Variants in HDAC9 observed in about 807,000 individuals in gnomAD.
HDAC9 encodes the protein MEF-2 interacting transcription repressor (MITR) protein.
A neutral mutation model predicts 139.4 loss-of-function variants in HDAC9; 41 were observed. The ratio of observed to expected loss-of-function variants is 0.29; its 90% CI spans 0.23 to 0.38. The LOEUF (loss-of-function observed/expected upper bound fraction) is 0.38. Among genes scored for constraint, HDAC9 ranks in the 10% least tolerant of loss-of-function variants. The probability of loss-of-function intolerance (pLI) is 1.00; values close to 1 mark genes in which losing one functional copy is unlikely to be tolerated. For synonymous variants in HDAC9, 517 were observed against 476.2 expected, an observed-to-expected ratio of 1.09 and a Z score of -1.12; for missense variants, 1,147 against 1,297.0, an observed-to-expected ratio of 0.88 and a Z score of 1.78.
At chr7:18,389,380 T>TC (rs1786250011) in intron 1 of HDAC9, among the ~76,000 whole-genome samples, 1 of 152,222 alleles carries the variant, frequency 6.6e-6, no homozygotes, top group Non-Finnish European at 1.5e-5. Context: ...CTCTCCTGTA[T>TC]TCTTCAGGGC....
At chr7:18,629,555 C>T (rs1781704438) in intron 7 of HDAC9, 74 bp downstream of exon 7, 1 of 1,337,354 alleles carries the variant, frequency 7.5e-7, no homozygotes, top group South Asian at 1.4e-5. Context: ...ATAAATATAC[C>T]TGCTGCATAT....
At chr7:18,186,815 G>C (rs944337580) in intron 2 of HDAC9, among the ~76,000 whole-genome samples, 3 of 152,088 alleles carry the variant, frequency 2.0e-5, no homozygotes, top group African/African-American at 7.2e-5. Context: ...AGCATAAGGT[G>C]GTTTTGAAAA....
At chr7:18,156,357 A>G (rs1787201854) in intron 1 of HDAC9, among the ~76,000 whole-genome samples, 2 of 152,202 alleles carry the variant, frequency 1.3e-5, no homozygotes, top group South Asian at 4.1e-4. Flanking sequence ...TTCCCAACCC[A>G]TGAAGGCACC....
At chr7:18,487,638 TAAGTA>T (rs1796070134) in intron 1 of HDAC9, among the ~76,000 whole-genome samples, 1 of 152,112 alleles carries the variant, frequency 6.6e-6, no homozygotes, top group African/African-American at 2.4e-5. Flanking sequence ...TGTTGAAACA[TAAGTA>T]AAATATGTTT....
intron 16 of HDAC9, among the ~76,000 whole-genome samples, chr7:18,768,317 C>T (rs560256387): frequency 5.3e-4 from 81 of 152,128 alleles, no homozygotes; most frequent in Non-Finnish European, 1.0e-3. Flanking sequence ...AAAGAGCTTT[C>T]TAGACACTTT....
At chr7:18,696,827 C>A (rs560393946) in intron 12 of HDAC9, among the ~76,000 whole-genome samples, 4 of 151,930 alleles carry the variant, frequency 2.6e-5, no homozygotes, top group Non-Finnish European at 4.4e-5. Context: ...AGGTGAGATT[C>A]ACAATATTGA....
At chr7:18,157,261 G>A (rs985952893) in intron 1 of HDAC9, among the ~76,000 whole-genome samples, 45 of 152,300 alleles carry the variant, frequency 3.0e-4, no homozygotes, top group Non-Finnish European at 3.1e-4. Flanking sequence ...TTCATTCTGA[G>A]TAGCCTGTGC....
At chr7:18,528,893 C>G (rs1032604528) in intron 2 of HDAC9, among the ~76,000 whole-genome samples, 1 of 152,062 alleles carries the variant, frequency 6.6e-6, no homozygotes, top group Non-Finnish European at 1.5e-5. Flanking sequence ...TGGAATTATA[C>G]CTATTTACAA....
intron 2 of HDAC9, among the ~76,000 whole-genome samples, chr7:18,228,859 A>G (rs890195567): frequency 1.3e-5 from 2 of 152,172 alleles, no homozygotes; most frequent in African/African-American, 4.8e-5. Context: ...AGGTAGTAAA[A>G]TGGAACCAAC....
intron 22 of HDAC9, among the ~76,000 whole-genome samples, chr7:18,911,582 GT>G (rs78229391): frequency 3.4e-5 from 5 of 149,072 alleles, no homozygotes; most frequent in Admixed American, 6.7e-5. Context: ...TGCTATTCTA[GT>G]TTTTTTTTAG....
chr7:18,371,584 G>A (rs1470180351), intron 1 of HDAC9, among the ~76,000 whole-genome samples: 1 of 151,984 alleles, frequency 6.6e-6, no homozygotes, highest in African/African-American at 2.4e-5. Flanking sequence ...ACAAAAATAG[G>A]AACTAATTAC....
At position 18,943,889 on chromosome 7, in the gene HDAC9, C is replaced by T. The variant is rs544367314; in HGVS notation, c.2937+7947C>T. Among the ~76,000 whole-genome samples the T allele has an allele frequency of 1.4e-4, 21 of 152,138 alleles. No homozygotes were observed. In the South Asian group the frequency reaches 1.7e-3, roughly 12 times the overall value. On this transcript the variant is annotated intron_variant, in intron 23 of 25. Coordinates refer to ENST00000686413, the MANE Select transcript of HDAC9 (RefSeq NM_178425.4). Reference sequence around the variant, plus strand: ...CACATGTAGGTAGGATGCAGGCAGACGCAATCTGAATAATTTCAATAGTTT... The same window carrying T: ...CACATGTAGGTAGGATGCAGGCAGATGCAATCTGAATAATTTCAATAGTTT...
chr7:18,395,858 A>T (rs1040547441), intron 1 of HDAC9, among the ~76,000 whole-genome samples: 6 of 152,142 alleles, frequency 3.9e-5, no homozygotes, highest in African/African-American at 1.4e-4. Context: ...TTAACATTTG[A>T]TGCCATTTTT....
rs74993877 is a variant in HDAC9, at chr7:18,977,166, G to C, written c.3170+1213G>C. Among the ~76,000 whole-genome samples the C allele has an allele frequency of 2.0e-5, 3 of 152,232 alleles. No individual in the cohort carries two copies. In the East Asian group the frequency reaches 5.8e-4, roughly 29 times the overall value. ...AAAGATAACTTTATATGAATATCTA[G>C]AGCATAAGGGAAAACTTACTTTACA... On this transcript the variant is annotated intron_variant, in intron 25 of 25. Transcript: ENST00000686413.
chr7:18,783,463 A>G (rs754742808), intron 16 of HDAC9, among the ~76,000 whole-genome samples: 35 of 152,128 alleles, frequency 2.3e-4, no homozygotes, highest in Non-Finnish European at 3.7e-4. Context: ...TAGAACATAA[A>G]AACTCCAGTT....
At chr7:18,597,086 C>T (rs1832710706) in intron 6 of HDAC9, among the ~76,000 whole-genome samples, 1 of 152,066 alleles carries the variant, frequency 6.6e-6, no homozygotes, top group African/African-American at 2.4e-5. Context: ...CAAAGTGGAC[C>T]TTTACTTCCT....
intron 1 of HDAC9, among the ~76,000 whole-genome samples, chr7:18,420,001 AG>A (rs1272532054): frequency 6.6e-6 from 1 of 152,246 alleles, no homozygotes; most frequent in Non-Finnish European, 1.5e-5. Flanking sequence ...CTATGAGAAT[AG>A]CCCCTGTTTT....
chr7:18,378,308 GTAAT>G (rs747972215), intron 1 of HDAC9, among the ~76,000 whole-genome samples: 5 of 151,964 alleles, frequency 3.3e-5, no homozygotes, highest in Non-Finnish European at 7.4e-5. Flanking sequence ...TTCTGAGAGA[GTAAT>G]TAATTTAGTA....
chr7:18,394,650 A>G (rs1175131724), intron 1 of HDAC9, among the ~76,000 whole-genome samples: 1 of 152,038 alleles, frequency 6.6e-6, no homozygotes, highest in African/African-American at 2.4e-5. Flanking sequence ...AAGTTATTTT[A>G]AAGTATATCT....
Sources: gnomAD v4.1 joint callset for allele counts (sites outside exome capture counted in the v4.1 genomes callset) on GRCh38, gnomAD v4.1.1 for gene constraint, MANE v1.5 for transcripts, NCBI Gene and HGNC (gene_info 2026-07-23, HGNC 2026-07-21) for gene names.